Variants in NRDC observed in about 807,000 individuals in gnomAD.
The protein encoded by NRDC is nardilysin.
A neutral mutation model predicts 147.1 loss-of-function variants in NRDC; 54 were observed. The ratio of observed to expected loss-of-function variants is 0.37; its 90% confidence interval spans 0.29 to 0.46. The LOEUF (loss-of-function observed/expected upper bound fraction) is 0.46. Among genes scored for constraint, NRDC ranks in the 20% least tolerant of loss-of-function variants. The probability of loss-of-function intolerance (pLI) is 1.00; values close to 1 mark genes in which losing one functional copy is unlikely to be tolerated. For synonymous variants in NRDC, 440 were observed against 482.1 expected, an observed-to-expected ratio of 0.91 and a Z score of 1.14; for missense variants, 1,082 against 1,370.6, an observed-to-expected ratio of 0.79 and a Z score of 3.33.
At chr1:51,830,167 A>G (rs1432195752) in intron 4 of NRDC, among the ~76,000 whole-genome samples, 1 of 151,856 alleles carries the variant, frequency 6.6e-6, no homozygotes, top group East Asian at 1.9e-4. Context: ...GTTTCACCAT[A>G]TTAGCCAGGC....
chr1:51,813,364 G>A (rs530300028), intron 14 of NRDC, among the ~76,000 whole-genome samples: 83 of 152,226 alleles, frequency 5.5e-4, no homozygotes, highest in African/African-American at 1.7e-3. Flanking sequence ...TTTACAATGA[G>A]GAAACATAGT....
At chr1:51,848,021 T>A (rs1681740835) in intron 1 of NRDC, among the ~76,000 whole-genome samples, 1 of 152,248 alleles carries the variant, frequency 6.6e-6, no homozygotes, top group Non-Finnish European at 1.5e-5. Flanking sequence ...ATTAAGAACC[T>A]ACACATAAAG....
chr1:51,821,461 T>C, intron 8 of NRDC, 37 bp downstream of exon 8: 1 of 1,414,490 alleles, frequency 7.1e-7, no homozygotes, highest in African/African-American at 1.4e-5. Context: ...TCTCTTTAAC[T>C]CTGAAGGTGT....
intron 5 of NRDC, among the ~76,000 whole-genome samples, chr1:51,826,809 T>C (rs1571873439): frequency 6.6e-6 from 1 of 152,264 alleles, no homozygotes; most frequent in East Asian, 1.9e-4. Context: ...CATAATAAAA[T>C]ATATTCTGGC....
At chr1:51,804,683 C>T (rs923735313) in intron 19 of NRDC, among the ~76,000 whole-genome samples, 1 of 152,068 alleles carries the variant, frequency 6.6e-6, no homozygotes, top group Non-Finnish European at 1.5e-5. Context: ...CGTTCAGATA[C>T]ATTTCCCAAA....
intron 3 of NRDC, among the ~76,000 whole-genome samples, chr1:51,835,817 G>A (rs151244167): frequency 6.6e-6 from 1 of 152,144 alleles, no homozygotes; most frequent in Non-Finnish European, 1.5e-5. Context: ...CCCTGGAAGG[G>A]ACTGCCCTCC....
chr1:51,818,006 A>G, intron 10 of NRDC, 60 bp downstream of exon 10: 1 of 1,272,386 alleles, frequency 7.9e-7, no homozygotes, highest in Non-Finnish European at 1.1e-6. Flanking sequence ...ACCATTTAGC[A>G]TGCTTTAAAA....
rs749568025 is a variant in NRDC, at chr1:51,806,901, G to C, written c.2003C>G (p.Thr668Arg). 1.2e-6 allele frequency: 2 copies of C among 1,613,474 alleles called. No individual in the cohort carries two copies. Among genetic ancestry groups the C allele is most frequent in the South Asian group, 1.1e-5 (1 of 90,988 alleles). The change falls in exon 18 of 31, where the codon ACG (threonine) becomes AGG (arginine). Residue 668 changes from threonine (T) to arginine (R), a missense_variant. Around this residue, in one of 3 missense-constraint regions of NRDC, gnomAD observed 635 missense variants for 923.8 expected, o/e 0.69. Transcript: ENST00000352171. ...TTCCGGGCAATCGAAAGCCTTCAAC[G>C]TAAAGTCCGTGGCTAATAAAAGAAG... ...AENKYIATDF[T>R]LKAFDCPETE...
At chr1:51,858,470 T>TC (rs1682366137) in intron 1 of NRDC, among the ~76,000 whole-genome samples, 1 of 145,868 alleles carries the variant, frequency 6.9e-6, no homozygotes, top group South Asian at 2.2e-4. Context: ...AACCCTGTCT[T>TC]TAAAAAAAAA....
At chr1:51,790,774 G>C (rs974939816) in intron 28 of NRDC, 125 bp from the exon 29 acceptor site, 2 of 959,172 alleles carry the variant, frequency 2.1e-6, no homozygotes, top group Non-Finnish European at 3.3e-6. Flanking sequence ...ATGAAGCTAG[G>C]GAGACACTAT....
chr1:51,875,450 T>G (rs979921751), intron 1 of NRDC, among the ~76,000 whole-genome samples: 14 of 152,256 alleles, frequency 9.2e-5, no homozygotes, highest in Non-Finnish European at 1.2e-4. Flanking sequence ...CATTATCTAC[T>G]CTTTGAAGTC....
chr1:51,832,151 A>G (rs1326508280), intron 4 of NRDC, among the ~76,000 whole-genome samples: 5 of 151,954 alleles, frequency 3.3e-5, no homozygotes, highest in African/African-American at 1.2e-4. Flanking sequence ...GGTTCAAGCA[A>G]TTCTCCTGTC....
At chr1:51,809,038 A>G (rs1490249311) in intron 17 of NRDC, among the ~76,000 whole-genome samples, 1 of 152,202 alleles carries the variant, frequency 6.6e-6, no homozygotes, top group East Asian at 1.9e-4. Context: ...AGGATCAGCT[A>G]CTCTATACAA....
At chr1:51,875,323 C>G (rs1571932359) in intron 1 of NRDC, among the ~76,000 whole-genome samples, 1 of 152,180 alleles carries the variant, frequency 6.6e-6, no homozygotes, top group East Asian at 1.9e-4. Flanking sequence ...AAAAACACTG[C>G]TGTTCTAACC....
chr1:51,846,865 C>T (rs1351754723), intron 1 of NRDC, among the ~76,000 whole-genome samples: 1 of 152,200 alleles, frequency 6.6e-6, no homozygotes, highest in Non-Finnish European at 1.5e-5. Context: ...TCCATTTTGA[C>T]AGGATGCTGA....
chr1:51,821,004 G>C (rs1680185155), intron 8 of NRDC, among the ~76,000 whole-genome samples: 1 of 151,972 alleles, frequency 6.6e-6, no homozygotes, highest in Admixed American at 6.6e-5. Flanking sequence ...TCTTATAAAA[G>C]AACATCTGGT....
intron 6 of NRDC, 71 bp downstream of exon 6, chr1:51,825,216 C>A (rs1680391498): frequency 9.5e-6 from 10 of 1,049,894 alleles, no homozygotes; most frequent in African/African-American, 1.6e-5. Context: ...ATTTTCAATT[C>A]TTTATCAACT....
chr1:51,840,622 AAC>A (rs559064381), intron 1 of NRDC, 108 bp from the exon 2 acceptor site: 570 of 710,648 alleles, frequency 8.0e-4, no homozygotes, highest in South Asian at 1.3e-3. Context: ...TAAAAGTACA[AAC>A]ACACACACAC....
chr1:51,846,048 G>A (rs1681553559), intron 1 of NRDC, among the ~76,000 whole-genome samples: 1 of 151,656 alleles, frequency 6.6e-6, no homozygotes. Flanking sequence ...CAAATCAAAT[G>A]GAATGGTAAT....
Sources: gnomAD v4.1 joint callset for allele counts (sites outside exome capture counted in the v4.1 genomes callset) on GRCh38, gnomAD v4.1.1 for gene constraint, gnomAD v4.1.1 regional missense constraint, MANE v1.5 for transcripts, NCBI Gene and HGNC (gene_info 2026-07-23, HGNC 2026-07-21) for gene names.